FASN: variants seen among roughly 807,000 people sequenced by gnomAD.
FASN encodes the protein 3-hydroxyacyl-[acyl-carrier-protein] dehydratase.
A neutral mutation model predicts 250.0 loss-of-function variants in FASN; 50 were observed. That is an observed-to-expected ratio of 0.20 (90% CI 0.16 to 0.25). The LOEUF (loss-of-function observed/expected upper bound fraction) is 0.25, where lower values mean the gene tolerates loss of function less well. FASN is among the 10% of genes least tolerant of loss of function. The pLI is 1.00. For missense variants in FASN, 3,031 were observed against 3,498.5 expected (o/e 0.87, Z 3.37); for synonymous variants, 1,909 against 1,584.0 (o/e 1.21, Z -4.87).
At chr17:82,091,729 C>T (rs1211081080) in intron 8 of FASN, 45 bp from the exon 9 acceptor site, 1 of 1,506,132 alleles carries the variant, frequency 6.6e-7, no homozygotes, top group Non-Finnish European at 8.9e-7. Flanking sequence ...ACTCCCTCTA[C>T]CACTGCCTGA....
At position 82,087,512 on chromosome 17, in the gene FASN, C is replaced by G; in HGVS notation, c.3044-8G>C. ...GCAGCCTCCCCGAGTCACCTGCACA[C>G]AGGGCCTGGTTGGTGCTGTGGAACT... On this transcript the variant is annotated splice_polypyrimidine_tract_variant and splice_region_variant and intron_variant, in intron 19 of 42. Coordinates refer to ENST00000306749, the MANE Select transcript of FASN (RefSeq NM_004104.5). 6.2e-7 allele frequency: 1 copy of G among 1,611,944 alleles called. No homozygotes were observed. Among genetic ancestry groups the G allele is most frequent in the South Asian group, 1.1e-5 (1 of 91,086 alleles).
rs1223268119 is a variant in FASN, at chr17:82,079,097, G to T, written c.*46C>A. On this transcript the variant is annotated 3_prime_UTR_variant, in exon 43 of 43. Transcript: ENST00000306749. ...GCATGGCGGGGGTGGGGTGGGGTGG[G>T]GTGGGGATGGTGGAGTGACCTCCGG... 31 of 1,564,336 alleles carry T rather than the reference G, an allele frequency of 2.0e-5. No individual in the cohort carries two copies. Among genetic ancestry groups the T allele is most frequent in the African/African-American group, 2.7e-5 (2 of 73,730 alleles).
chr17:82,081,835 C>A lies in FASN; in HGVS notation c.6172G>T (p.Val2058Leu). Reference protein sequence around the residue: ...RRHEGLPGLAVQWGAIGDVGI... With the variant: ...RRHEGLPGLALQWGAIGDVGI... Reference sequence around the variant, plus strand: ...ACGTCGCCGATGGCGCCCCACTGCACGGCCAGGCCTGTGGGGGAGGGGGCA... The same window carrying A: ...ACGTCGCCGATGGCGCCCCACTGCAAGGCCAGGCCTGTGGGGGAGGGGGCA... Residue 2058 changes from valine to leucine, a missense_variant, in exon 37 of 43, where the codon GTG (valine) becomes TTG (leucine). Transcript: ENST00000306749. 2 of 1,597,654 alleles carry A rather than the reference C, an allele frequency of 1.3e-6. No individual in the cohort carries two copies. Among genetic ancestry groups the A allele is most frequent in the Non-Finnish European group, 1.7e-6 (2 of 1,173,746 alleles).
In FASN at chr17:82,081,799, C is replaced by T. The variant is rs1172366289; in HGVS notation, c.6208G>A (p.Val2070Met). Reference sequence around the variant, plus strand: ...GTGTCGTTGGTGCTCATCGTCTCCACCAAAATGCCCACGTCGCCGATGGCG... The same window carrying T: ...GTGTCGTTGGTGCTCATCGTCTCCATCAAAATGCCCACGTCGCCGATGGCG... ...WGAIGDVGIL[V>M]ETMSTNDTIV... The change falls in exon 37 of 43, where the codon GTG (valine) becomes ATG (methionine). Residue 2070 changes from valine (V) to methionine (M), a missense_variant. By Grantham distance (21) the Val-to-Met change is conservative (BLOSUM62 1). Coordinates refer to ENST00000306749, the MANE Select transcript of FASN (RefSeq NM_004104.5). 8.1e-6 allele frequency: 13 copies of T among 1,611,926 alleles called. No homozygotes were observed. Among genetic ancestry groups the T allele is most frequent in the African/African-American group, 2.7e-5 (2 of 74,854 alleles).
intron 8 of FASN, 63 bp from the exon 9 acceptor site, chr17:82,091,747 G>A: frequency 1.4e-6 from 2 of 1,414,932 alleles, no homozygotes; most frequent in Non-Finnish European, 1.9e-6. Context: ...TGAGCTGGGG[G>A]CAGGCACCTC....
intron 22 of FASN, 152 bp from the exon 23 acceptor site, chr17:82,086,023 G>A: frequency 3.3e-6 from 4 of 1,230,100 alleles, no homozygotes; most frequent in Non-Finnish European, 4.4e-6. Flanking sequence ...GGATGCCACT[G>A]GTCTTGTCCC....
At chr17:82,086,608 T>G in intron 21 of FASN, 50 bp from the exon 22 acceptor site, 1 of 1,399,128 alleles carries the variant, frequency 7.1e-7, no homozygotes, top group South Asian at 1.2e-5. Context: ...CCAGGGCATC[T>G]GCCTGGCATG....
rs369551210 is a variant in FASN at position 82,083,207 on chromosome 17, C to T, written c.5560G>A (p.Val1854Met). ...AQGKHIGKVV[V>M]QVLAEEPEAV... ...GCCGGGACTCCTCCCCTCACCTGCA[C>T]GACGACTTTGCCAATGTGCTTCCCT... Residue 1854 changes from valine (V) to methionine (M), a missense_variant, in exon 32 of 43, where the codon GTG becomes ATG. Val to Met is a conservative substitution (Grantham distance 21). Coordinates refer to ENST00000306749, the MANE Select transcript of FASN (RefSeq NM_004104.5). 5.6e-5 allele frequency: 90 copies of T among 1,612,468 alleles called. No homozygotes were observed. The highest frequency in any genetic ancestry group is 6.4e-5 in the Non-Finnish European group (76 of 1,179,988).
At chr17:82,098,030 A>G (rs2034333603) in intron 1 of FASN, 91 bp downstream of exon 1, 1 of 308,058 alleles carries the variant, frequency 3.2e-6, no homozygotes, top group Middle Eastern at 8.7e-4. Flanking sequence ...GCGCCCCGAG[A>G]GCGGAGGATG....
intron 19 of FASN, 35 bp from the exon 20 acceptor site, chr17:82,087,539 C>T (rs768630723): frequency 1.8e-5 from 29 of 1,609,794 alleles, no homozygotes; most frequent in Non-Finnish European, 2.4e-5. Flanking sequence ...TGTGGAACTC[C>T]CAGGTCCCTG....
rs761364684 is a variant in FASN, at chr17:82,083,643, GGGGGCCAGA to G, written c.5219-13_5219-5del. The G allele has an allele frequency of 7.3e-5, 118 of 1,605,646 alleles. No homozygotes were observed. In the South Asian group the frequency reaches 8.6e-4, roughly 12 times the overall value. ...GAGTTCAAGACCAGGTCAACGCCTA[GGGGGCCAGA>G]GGGGCCAGACAATCACACCCACTGC... On this transcript the variant is annotated splice_region_variant and splice_polypyrimidine_tract_variant and intron_variant, in intron 30 of 42. Transcript: ENST00000306749.
In FASN at chr17:82,084,899, C is replaced by A. The variant is rs747363188; in HGVS notation, c.4464G>T (p.Pro1488=). The A allele has an allele frequency of 6.4e-7, 1 of 1,551,468 alleles. No homozygotes were observed. Among genetic ancestry groups the A allele is most frequent in the East Asian group, 2.4e-5 (1 of 41,032 alleles). The change falls in exon 26 of 43, where the codon CCG becomes CCT. Residue 1488 remains proline (P), a synonymous_variant. Coordinates refer to ENST00000306749, the MANE Select transcript of FASN (RefSeq NM_004104.5). ...ACACCTTCTGCAGTTCTGCGGAGCC[C>A]GGGTCCACCTCCGGGACGTGGGAGG... ...SSTSHVPEVD[P]GSAELQKVLQ...
Position 82,093,125 on chromosome 17 carries a change from G to A in FASN, c.655+94C>T, listed in dbSNP as rs920752770. ...GTGGGTGCTTGGGTGGGGGATCCCC[G>A]GAGCTGGCAGGATCCTGCTCAGCGT... On this transcript the variant is annotated intron_variant, in intron 5 of 42. Transcript: ENST00000306749. 1.0e-5 allele frequency: 16 copies of A among 1,546,846 alleles called. No homozygotes were observed. The East Asian group carries it at 1.2e-4, about 12-fold the overall frequency.
chr17:82,095,038 C>T (rs1244799875), intron 3 of FASN, among the ~76,000 whole-genome samples: 1 of 152,102 alleles, frequency 6.6e-6, no homozygotes, highest in Non-Finnish European at 1.5e-5. Flanking sequence ...TCTCGTCACT[C>T]CAGCCCCGGC....
intron 3 of FASN, chr17:82,094,161 A>C: frequency 2.8e-6 from 1 of 357,196 alleles, no homozygotes. Flanking sequence ...CCCGTCGGCC[A>C]GTGGCCTCTC....
At chr17:82,084,448 G>A (rs1355401588) in intron 27 of FASN, 64 bp from the exon 28 acceptor site, 9 of 1,585,260 alleles carry the variant, frequency 5.7e-6, no homozygotes, top group South Asian at 1.1e-5. Context: ...TCCCAGGCAG[G>A]TCCTAGCTGC....
intron 21 of FASN, 43 bp from the exon 22 acceptor site, chr17:82,086,601 G>A (rs527878298): frequency 5.2e-5 from 78 of 1,493,182 alleles, no homozygotes; most frequent in Non-Finnish European, 5.8e-5. Flanking sequence ...CAAAGCCCCA[G>A]GGCATCTGCC....
rs952601764 is a variant in FASN, at chr17:82,083,336, A to G, written c.5431T>C (p.Trp1811Arg). The G allele has an allele frequency of 1.2e-6, 2 of 1,612,192 alleles. No individual in the cohort carries two copies. The highest frequency in any genetic ancestry group is 3.3e-5 in the Admixed American group (2 of 59,964). ...NESSADWREV[W>R]ALVQAGIRDG... The stretch of plus-strand genomic sequence containing the variant: ...CGGATGCCGGCCTGCACAAGCGCCC[A>G]CACCTCCCGCCAGTCAGCACTGCTC... Residue 1811 changes from tryptophan (W) to arginine (R), a missense_variant, in exon 32 of 43, where the codon TGG (tryptophan) becomes CGG (arginine). Trp to Arg is a moderately radical substitution (Grantham distance 101). Transcript: ENST00000306749.
At position 82,080,820 on chromosome 17, in the gene FASN, C is replaced by A; in HGVS notation, c.6698G>T (p.Arg2233Leu). Residue 2233 changes from arginine to leucine, a missense_variant, in exon 39 of 43, where the codon CGG becomes CTG. By Grantham distance (102) the Arg-to-Leu change is moderately radical. Transcript: ENST00000306749. Reference protein sequence around the residue: ...LVNPEGPTLMRLNSVQSSERP... With the variant: ...LVNPEGPTLMLLNSVQSSERP... ...CTCCGAGCTCTGCACGGAGTTGAGCCGCATCAGGGTGGGGCCCTCCGGGTT... is the reference window on the plus strand; with the variant it reads ...CTCCGAGCTCTGCACGGAGTTGAGCAGCATCAGGGTGGGGCCCTCCGGGTT... The A allele has an allele frequency of 1.2e-6, 2 of 1,609,672 alleles. No individual in the cohort carries two copies. Among genetic ancestry groups the A allele is most frequent in the East Asian group, 4.5e-5 (2 of 44,752 alleles).
Sources: gnomAD v4.1 joint callset for allele counts (sites outside exome capture counted in the v4.1 genomes callset) on GRCh38, gnomAD v4.1.1 for gene constraint, MANE v1.5 for transcripts, NCBI Gene and HGNC (gene_info 2026-07-23, HGNC 2026-07-21) for gene names.